MMP16: variants seen among roughly 807,000 people sequenced by gnomAD.
MMP16 encodes matrix metalloproteinase-16.
In MMP16, 12 loss-of-function variants were observed where a neutral mutation model predicts 67.8. The ratio of observed to expected loss-of-function variants is 0.18; its 90% CI spans 0.11 to 0.29. The LOEUF (loss-of-function observed/expected upper bound fraction) is 0.29. MMP16 is among the 10% of genes least tolerant of loss of function. The pLI is 1.00. For synonymous variants in MMP16, 249 were observed against 255.9 expected, an observed-to-expected ratio of 0.97 and a Z score of 0.26; for missense variants, 475 against 765.7, an observed-to-expected ratio of 0.62 and a Z score of 4.48.
intron 4 of MMP16, among the ~76,000 whole-genome samples, chr8:88,157,139 C>A (rs549566361): frequency 1.6e-4 from 25 of 152,174 alleles, no homozygotes; most frequent in African/African-American, 6.0e-4. Flanking sequence ...CTATCCATGG[C>A]TTTTGCATCT....
At position 88,160,563 on chromosome 8, in the gene MMP16, C is replaced by G. The variant is rs147282642; in HGVS notation, c.709+7106G>C. 6.5e-3 allele frequency among the ~76,000 whole-genome samples: 996 copies of G among 152,148 alleles called. 9 individuals are homozygous for G. Among genetic ancestry groups the G allele is most frequent in the African/African-American group, 0.023 (960 of 41,510 alleles). ...ACCATCACTGGCCATCAGAGAAATG[C>G]AAATCAAAACCATGATGAGATACCA... On this transcript the variant is annotated intron_variant, in intron 4 of 9. Coordinates refer to ENST00000286614, the MANE Select transcript of MMP16 (RefSeq NM_005941.5).
intron 1 of MMP16, among the ~76,000 whole-genome samples, chr8:88,249,940 T>C (rs895026374): frequency 6.6e-6 from 1 of 152,132 alleles, no homozygotes; most frequent in African/African-American, 2.4e-5. Context: ...AAGAATTTTA[T>C]GTAATGTTCC....
chr8:88,314,441 T>C (rs1427849088), intron 1 of MMP16, among the ~76,000 whole-genome samples: 1 of 152,250 alleles, frequency 6.6e-6, no homozygotes, highest in Non-Finnish European at 1.5e-5. Flanking sequence ...TTATGAATTT[T>C]ACCCTGTTGG....
chr8:88,231,687 C>T (rs1238760324), intron 1 of MMP16, among the ~76,000 whole-genome samples: 3 of 152,170 alleles, frequency 2.0e-5, no homozygotes, highest in Non-Finnish European at 4.4e-5. Flanking sequence ...CTAAGTAACA[C>T]CTGTGAAAAC....
At chr8:88,172,315 A>G (rs1808816718) in intron 3 of MMP16, among the ~76,000 whole-genome samples, 1 of 152,176 alleles carries the variant, frequency 6.6e-6, no homozygotes, top group Admixed American at 6.6e-5. Context: ...GATCTCTGAC[A>G]ACACATTTTA....
rs573024292 is a variant in MMP16 at position 88,200,841 on chromosome 8, A to G, written c.133-3535T>C. Among the ~76,000 whole-genome samples, 43 of 152,072 alleles carry G rather than the reference A, an allele frequency of 2.8e-4. 1 individual carries two copies. The highest frequency in any genetic ancestry group is 9.9e-4 in the African/African-American group (41 of 41,542). On this transcript the variant is annotated intron_variant, in intron 1 of 9. Coordinates refer to ENST00000286614, the MANE Select transcript of MMP16 (RefSeq NM_005941.5). ...AGTATCCTGAAAAATGATTATATAA[A>G]AAATGGAGACAGTAGAATTTCTCAC...
At chr8:88,240,203 T>G (rs570786118) in intron 1 of MMP16, among the ~76,000 whole-genome samples, 2 of 152,224 alleles carry the variant, frequency 1.3e-5, no homozygotes, top group Non-Finnish European at 2.9e-5. Context: ...AACTGGTCAC[T>G]AACCATCAGC....
intron 1 of MMP16, among the ~76,000 whole-genome samples, chr8:88,297,814 C>A (rs1365294148): frequency 6.6e-6 from 1 of 152,164 alleles, no homozygotes; most frequent in African/African-American, 2.4e-5. Context: ...AACAAATACA[C>A]CTCAGAGAGT....
chr8:88,108,045 T>C (rs1328970849), intron 6 of MMP16, among the ~76,000 whole-genome samples: 1 of 151,092 alleles, frequency 6.6e-6, no homozygotes, highest in African/African-American at 2.4e-5. Context: ...TATGAAACTT[T>C]TATCAATAAT....
At position 88,186,329 on chromosome 8, in the gene MMP16, C is replaced by T. The variant is rs1809071932; in HGVS notation, c.404+147G>A. On this transcript the variant is annotated intron_variant, in intron 3 of 9. Transcript: ENST00000286614. Reference sequence around the variant, plus strand: ...TGTCTAATGAACAATTTACTCTCCTCTCAATAGCAATTTTAAATCTCTTAT... The same window carrying T: ...TGTCTAATGAACAATTTACTCTCCTTTCAATAGCAATTTTAAATCTCTTAT... 6 of 1,059,028 alleles carry T rather than the reference C, an allele frequency of 5.7e-6. No individual in the cohort carries two copies. The Admixed American group carries it at 8.9e-5, about 16-fold the overall frequency. The allele number at this position is 1,059,028 out of a possible 1,614,324, so 65.6% of individuals were successfully genotyped here.
chr8:88,062,752 C>G (rs184841087), intron 7 of MMP16, among the ~76,000 whole-genome samples: 34 of 152,080 alleles, frequency 2.2e-4, no homozygotes, highest in African/African-American at 8.2e-4. Context: ...CACAAGTATA[C>G]ATATGTAACA....
rs995093520 is a variant in MMP16 at position 88,039,459 on chromosome 8, C to G, written c.*2002G>C. 7 of 152,464 alleles carry G rather than the reference C, an allele frequency of 4.6e-5. No individual in the cohort carries two copies. In the Admixed American group the frequency reaches 4.6e-4, roughly 10 times the overall value. 9.4% of individuals were successfully genotyped at this position (152,464 alleles called of 1,614,324 possible). ...TACTAGGTTTTAGAGAACAACTAATCCAATGGAGAAGCAACACCAGATTTC... is the reference window on the plus strand; with the variant it reads ...TACTAGGTTTTAGAGAACAACTAATGCAATGGAGAAGCAACACCAGATTTC... On this transcript the variant is annotated 3_prime_UTR_variant, in exon 10 of 10. Coordinates refer to ENST00000286614, the MANE Select transcript of MMP16 (RefSeq NM_005941.5). This position sits in a 1 kb window ranked among gnomAD's most constrained non-coding sequence, Gnocchi z 4.5.
At chr8:88,260,115 TAC>T (rs1207902750) in intron 1 of MMP16, among the ~76,000 whole-genome samples, 3 of 152,160 alleles carry the variant, frequency 2.0e-5, no homozygotes, top group African/African-American at 7.2e-5. Flanking sequence ...GAAAGAAATA[TAC>T]CAGTAAGAAG....
chr8:88,052,992 G>T (rs1462823351), intron 8 of MMP16, among the ~76,000 whole-genome samples: 1 of 152,184 alleles, frequency 6.6e-6, no homozygotes, highest in African/African-American at 2.4e-5. Context: ...TAAGTGCCAT[G>T]AAACTAGGAG....
At chr8:88,182,788 C>A (rs1330432871) in intron 3 of MMP16, among the ~76,000 whole-genome samples, 1 of 151,296 alleles carries the variant, frequency 6.6e-6, no homozygotes, top group Non-Finnish European at 1.5e-5. Context: ...TCATAATTTC[C>A]CCAAACTGGA....
At position 88,040,366 on chromosome 8, in the gene MMP16, T is replaced by C. The variant is rs1808115073; in HGVS notation, c.*1095A>G. ...GAACTTCTTGAACTTGTGACTGTTT[T>C]TACCATTGCCCAGTTCTATAATTTA... On this transcript the variant is annotated 3_prime_UTR_variant, in exon 10 of 10. Coordinates refer to ENST00000286614, the MANE Select transcript of MMP16 (RefSeq NM_005941.5). 6.6e-6 allele frequency: 1 copy of C among 152,578 alleles called. No individual in the cohort carries two copies. The highest frequency in any genetic ancestry group is 1.5e-5 in the Non-Finnish European group (1 of 68,036). The allele number at this position is 152,578 out of a possible 1,614,324, so 9.5% of individuals were successfully genotyped here.
intron 1 of MMP16, among the ~76,000 whole-genome samples, chr8:88,289,678 C>T (rs1810890045): frequency 7.5e-6 from 1 of 134,060 alleles, no homozygotes; most frequent in South Asian, 2.6e-4. Context: ...TGAACTGCTA[C>T]TCCTAGAGGA....
At position 88,208,818 on chromosome 8, in the gene MMP16, CAAA is replaced by C. The variant is rs59898929; in HGVS notation, c.133-11515_133-11513del. The stretch of plus-strand genomic sequence containing the variant: ...ATCATGAAAGAGGTTGTAGATATGG[CAAA>C]AAAAAAAAAAAAGGAAGAAAAGAAA... On this transcript the variant is annotated intron_variant, in intron 1 of 9. Transcript: ENST00000286614. Among the ~76,000 whole-genome samples the C allele has an allele frequency of 1.4e-3, 185 of 130,644 alleles. 1 individual carries two copies. In the East Asian group the frequency reaches 0.017, roughly 12 times the overall value. 85.7% of individuals were successfully genotyped at this position (130,644 alleles called of 152,430 possible).
chr8:88,164,619 A>G (rs1808682249), intron 4 of MMP16, among the ~76,000 whole-genome samples: 1 of 152,052 alleles, frequency 6.6e-6, no homozygotes, highest in Non-Finnish European at 1.5e-5. Context: ...CTGAAACACT[A>G]TTATTTTGCA....
Sources: allele counts gnomAD v4.1 joint callset (sites outside exome capture counted in the v4.1 genomes callset), GRCh38; gene constraint gnomAD v4.1.1; non-coding constraint Gnocchi (gnomAD v3.1); transcripts MANE v1.5; gene names NCBI Gene and HGNC (gene_info 2026-07-23, HGNC 2026-07-21).